The following NTM variants were observed in gnomAD, a reference collection of about 807,000 sequenced individuals.
NTM encodes neurotrimin, also known as IgLON family member 2.
Under a neutral mutation model 42.1 loss-of-function variants are expected in NTM, and 13 were observed. The ratio of observed to expected loss-of-function variants is 0.31; its 90% confidence interval spans 0.20 to 0.49. The LOEUF is 0.49. Among genes scored for constraint, NTM ranks in the 20% least tolerant of loss-of-function variants. The pLI is 0.99. For synonymous variants in NTM, 187 were observed against 179.2 expected (o/e 1.04, Z -0.35); for missense variants, 373 against 452.8 (o/e 0.82, Z 1.60).
intron 1 of NTM, among the ~76,000 whole-genome samples, chr11:131,713,956 G>T (rs1009424510): frequency 6.6e-6 from 1 of 152,298 alleles, no homozygotes; most frequent in Middle Eastern, 3.4e-3. Flanking sequence ...TTGGCATTCC[G>T]CACGGGCAGT....
At chr11:132,000,697 C>A (rs1423265705) in intron 2 of NTM, among the ~76,000 whole-genome samples, 2 of 152,166 alleles carry the variant, frequency 1.3e-5, no homozygotes, top group African/African-American at 2.4e-5. Flanking sequence ...TCCCTCAACA[C>A]ACAAAGCATA....
chr11:132,131,659 G>T (rs1376739694), intron 2 of NTM, among the ~76,000 whole-genome samples: 1 of 152,042 alleles, frequency 6.6e-6, no homozygotes, highest in Non-Finnish European at 1.5e-5. Context: ...AGACCTCAAG[G>T]TCCTGGCATG....
chr11:131,411,328 T>C (rs1026020644), intron 1 of NTM, among the ~76,000 whole-genome samples: 2 of 152,212 alleles, frequency 1.3e-5, no homozygotes, highest in African/African-American at 4.8e-5. Flanking sequence ...CCCTTCTTTC[T>C]AGCACAATGC....
intron 2 of NTM, among the ~76,000 whole-genome samples, chr11:132,140,149 C>T (rs75508159): frequency 6.6e-6 from 1 of 152,126 alleles, no homozygotes; most frequent in African/African-American, 2.4e-5. Flanking sequence ...GATAACCTCT[C>T]TGAGGCCTGA....
intron 3 of NTM, among the ~76,000 whole-genome samples, chr11:132,209,740 C>T (rs964910395): frequency 6.6e-6 from 1 of 152,142 alleles, no homozygotes; most frequent in South Asian, 2.1e-4. Context: ...TGGTAATTCT[C>T]TCAGGCCTTG....
chr11:131,760,236 A>T (rs10894438), intron 1 of NTM, among the ~76,000 whole-genome samples: 1 of 151,782 alleles, frequency 6.6e-6, no homozygotes, highest in Admixed American at 6.6e-5. Context: ...CCGGAAGCAG[A>T]TGCAGGGTGA....
chr11:131,527,084 G>A (rs765782253), intron 1 of NTM, among the ~76,000 whole-genome samples: 3 of 152,186 alleles, frequency 2.0e-5, no homozygotes, highest in Non-Finnish European at 2.9e-5. Flanking sequence ...CACCCAGCCA[G>A]TGCATCAAAT....
intron 2 of NTM, among the ~76,000 whole-genome samples, chr11:131,923,062 A>T (rs932492759): frequency 4.9e-5 from 4 of 81,502 alleles, no homozygotes; most frequent in East Asian, 2.3e-3. Context: ...TACCCCGTTT[A>T]AAAAAAAAAG....
chr11:131,924,139 A>G (rs7117561), intron 2 of NTM, among the ~76,000 whole-genome samples: 61,251 of 152,152 alleles, frequency 0.4, 13,021 homozygotes, highest in Middle Eastern at 0.54. Context: ...AGTGCAGGGC[A>G]CGGAGCTGGG....
rs76102080 is a variant in NTM, at chr11:131,572,970, C to T, written c.82+202082C>T. On this transcript the variant is annotated intron_variant, in intron 1 of 8. Coordinates refer to ENST00000683400, the MANE Select transcript of NTM (RefSeq NM_001352005.2). ...CTGTCTGCTCCCCATTTCCCTGCAG[C>T]CTCCAGAGCCAGCATAAGGGGCTGG... 2.1e-3 allele frequency among the ~76,000 whole-genome samples: 325 copies of T among 152,282 alleles called. 2 individuals carry two copies. The highest frequency in any genetic ancestry group is 7.3e-3 in the African/African-American group (303 of 41,556).
chr11:131,944,920 A>C (rs1017983912), intron 2 of NTM, among the ~76,000 whole-genome samples: 4 of 152,148 alleles, frequency 2.6e-5, no homozygotes, highest in African/African-American at 9.7e-5. Flanking sequence ...ATGATGCAAG[A>C]CTAAGTAAAT....
intron 3 of NTM, among the ~76,000 whole-genome samples, chr11:132,165,652 T>G (rs1276231827): frequency 6.6e-6 from 1 of 152,142 alleles, no homozygotes; most frequent in Non-Finnish European, 1.5e-5. Flanking sequence ...GGGTTTAGTC[T>G]TGCTGAAGAT....
chr11:132,010,363 G>A (rs1320651), intron 2 of NTM, among the ~76,000 whole-genome samples: 91,876 of 151,984 alleles, frequency 0.6, 28,961 homozygotes, highest in East Asian at 0.82. Context: ...GGCTAGACTG[G>A]TGAAGTTATA....
intron 1 of NTM, among the ~76,000 whole-genome samples, chr11:131,466,982 C>T (rs1000667770): frequency 6.6e-6 from 1 of 152,226 alleles, no homozygotes; most frequent in Admixed American, 6.5e-5. Context: ...CATGTGCATA[C>T]ACGTACACAC....
At chr11:131,676,834 A>G (rs1260468782) in intron 1 of NTM, among the ~76,000 whole-genome samples, 1 of 152,206 alleles carries the variant, frequency 6.6e-6, no homozygotes, top group Non-Finnish European at 1.5e-5. Context: ...AATTCCAGAG[A>G]CTTAGCCCAG....
chr11:131,871,314 A>G (rs2047755473), intron 1 of NTM, among the ~76,000 whole-genome samples: 1 of 152,024 alleles, frequency 6.6e-6, no homozygotes, highest in African/African-American at 2.4e-5. Context: ...TTGTGTTCCT[A>G]TTTTCATTTG....
chr11:131,910,168 G>A (rs896423103), intron 1 of NTM: 3 of 152,234 alleles, frequency 2.0e-5, no homozygotes, highest in Non-Finnish European at 4.4e-5. Context: ...CTGTACTACT[G>A]AATAACTATG....
intron 2 of NTM, among the ~76,000 whole-genome samples, chr11:132,137,785 C>T (rs980057235): frequency 2.6e-5 from 4 of 152,100 alleles, no homozygotes; most frequent in African/African-American, 9.7e-5. Flanking sequence ...TCCCCAACCC[C>T]GACTCCTGCC....
At chr11:131,430,551 G>A (rs1370296478) in intron 1 of NTM, among the ~76,000 whole-genome samples, 1 of 152,182 alleles carries the variant, frequency 6.6e-6, no homozygotes, top group African/African-American at 2.4e-5. Context: ...GCTGTGGTTA[G>A]GAAAACGAGA....
Sources: gnomAD v4.1 joint callset for allele counts (sites outside exome capture counted in the v4.1 genomes callset) on GRCh38, gnomAD v4.1.1 for gene constraint, MANE v1.5 for transcripts, NCBI Gene and HGNC (gene_info 2026-07-23, HGNC 2026-07-21) for gene names.